The following SUPT3H variants were observed in gnomAD, a reference collection of about 807,000 sequenced individuals.
The protein encoded by SUPT3H is transcription initiation protein SPT3 homolog.
A neutral mutation model predicts 44.3 loss-of-function variants in SUPT3H; 44 were observed. The ratio of observed to expected loss-of-function variants is 0.99; its 90% CI spans 0.78 to 1.28. SUPT3H has a LOEUF of 1.28. SUPT3H is among the 50% of genes most tolerant of loss of function. The pLI, the probability that SUPT3H is intolerant of heterozygous loss-of-function variation, is 0.00. For synonymous variants in SUPT3H, 124 were observed against 125.6 expected (o/e 0.99, Z 0.09); for missense variants, 380 against 387.1 (o/e 0.98, Z 0.15).
At chr6:44,813,576 GA>G (rs5875893) in intron 11 of SUPT3H, among the ~76,000 whole-genome samples, 138 of 135,204 alleles carry the variant, frequency 1.0e-3, no homozygotes, top group African/African-American at 2.1e-3. Context: ...AAACCAAGAG[GA>G]AAAAAAAAAA....
intron 2 of SUPT3H, among the ~76,000 whole-genome samples, chr6:45,231,693 C>T (rs1768082621): frequency 6.6e-6 from 1 of 152,174 alleles, no homozygotes; most frequent in Non-Finnish European, 1.5e-5. Context: ...TTCCGAACCC[C>T]TTCATTCTCT....
At chr6:45,212,673 C>G (rs1056633226) in intron 2 of SUPT3H, among the ~76,000 whole-genome samples, 3 of 152,086 alleles carry the variant, frequency 2.0e-5, no homozygotes, top group Non-Finnish European at 4.4e-5. Context: ...CACTTGAATA[C>G]CTAAAAATAA....
intron 10 of SUPT3H, among the ~76,000 whole-genome samples, chr6:44,900,402 T>G (rs918346058): frequency 2.0e-5 from 3 of 152,228 alleles, no homozygotes; most frequent in Non-Finnish European, 2.9e-5. Flanking sequence ...GAGGGTCCTA[T>G]GCCCACGGAG....
chr6:44,900,091 A>G lies in SUPT3H; in HGVS notation c.912+32562T>C, dbSNP rs532575673. On this transcript the variant is annotated intron_variant, in intron 10 of 10. Coordinates refer to ENST00000371459, the MANE Select transcript of SUPT3H (RefSeq NM_003599.4). ...ACAGCTCCAGTCTACAGCTCCCAGC[A>G]TAAGCGACGCAGAAGACAGGTGATT... Among the ~76,000 whole-genome samples, 598 of 152,366 alleles carry G rather than the reference A, an allele frequency of 3.9e-3. 7 individuals carry two copies. The highest frequency in any genetic ancestry group is 0.014 in the African/African-American group (569 of 41,598).
At chr6:45,024,302 C>G (rs1173245214) in intron 3 of SUPT3H, among the ~76,000 whole-genome samples, 6 of 152,118 alleles carry the variant, frequency 3.9e-5, no homozygotes, top group Admixed American at 6.5e-5. Context: ...AATCTGTTCT[C>G]AATTTCACAT....
At chr6:44,907,949 TGACTATGG>T (rs1414292189) in intron 10 of SUPT3H, among the ~76,000 whole-genome samples, 1 of 152,134 alleles carries the variant, frequency 6.6e-6, no homozygotes, top group Non-Finnish European at 1.5e-5. Flanking sequence ...GATGTGGCTC[TGACTATGG>T]TAAAGTAAGG....
chr6:44,905,638 A>G (rs1364067902), intron 10 of SUPT3H, among the ~76,000 whole-genome samples: 1 of 152,094 alleles, frequency 6.6e-6, no homozygotes, highest in Non-Finnish European at 1.5e-5. Context: ...TTGAACTAGA[A>G]ATACCATTTG....
chr6:45,094,599 G>A (rs566393454), intron 3 of SUPT3H, among the ~76,000 whole-genome samples: 39 of 152,126 alleles, frequency 2.6e-4, no homozygotes, highest in African/African-American at 7.7e-4. Flanking sequence ...CATGGCAATT[G>A]GTGGGGAGAA....
chr6:44,863,838 G>C (rs1432022196), intron 10 of SUPT3H, among the ~76,000 whole-genome samples: 1 of 152,110 alleles, frequency 6.6e-6, no homozygotes, highest in Non-Finnish European at 1.5e-5. Flanking sequence ...GCAGGCAAGA[G>C]AGAGAATAAG....
At chr6:45,325,822 G>C (rs1786255344) in intron 2 of SUPT3H, among the ~76,000 whole-genome samples, 1 of 151,648 alleles carries the variant, frequency 6.6e-6, no homozygotes, top group Non-Finnish European at 1.5e-5. Flanking sequence ...TATCAAATGT[G>C]CCCCAGTTGT....
chr6:45,043,167 ACACG>A (rs1391719022), intron 3 of SUPT3H, among the ~76,000 whole-genome samples: 19 of 151,300 alleles, frequency 1.3e-4, no homozygotes, highest in East Asian at 1.2e-3. Flanking sequence ...ACACACACAC[ACACG>A]CACACACACA....
chr6:44,813,465 C>T (rs1766678143), intron 11 of SUPT3H, among the ~76,000 whole-genome samples: 1 of 151,798 alleles, frequency 6.6e-6, no homozygotes, highest in African/African-American at 2.4e-5. Context: ...GGTGAGATTA[C>T]AGGGGTGAGC....
At chr6:44,953,277 A>T in intron 9 of SUPT3H, 33 bp downstream of exon 9, 1 of 1,556,204 alleles carries the variant, frequency 6.4e-7, no homozygotes, top group Non-Finnish European at 8.9e-7. Flanking sequence ...CAAAATTCAC[A>T]AATGTTTTAA....
intron 3 of SUPT3H, among the ~76,000 whole-genome samples, chr6:45,025,501 T>A (rs1279195614): frequency 3.3e-5 from 5 of 152,224 alleles, no homozygotes; most frequent in Non-Finnish European, 7.3e-5. Context: ...TGAGTTAAGC[T>A]ATGTAAAATC....
intron 2 of SUPT3H, among the ~76,000 whole-genome samples, chr6:45,149,989 A>G (rs1053402325): frequency 5.3e-5 from 8 of 150,950 alleles, no homozygotes; most frequent in African/African-American, 7.4e-5. Context: ...TCCAGGCTAC[A>G]TATCAGGTAA....
At chr6:45,242,050 C>A (rs1770446764) in intron 2 of SUPT3H, among the ~76,000 whole-genome samples, 1 of 152,250 alleles carries the variant, frequency 6.6e-6, no homozygotes, top group African/African-American at 2.4e-5. Flanking sequence ...CCAGACAGTT[C>A]CACTTGTGGA....
At chr6:44,983,625 G>T (rs1449490018) in intron 6 of SUPT3H, among the ~76,000 whole-genome samples, 1 of 152,226 alleles carries the variant, frequency 6.6e-6, no homozygotes, top group East Asian at 1.9e-4. Flanking sequence ...AAATGAAAAT[G>T]GACTTGGGGT....
chr6:44,870,361 C>A (rs1435897421), intron 10 of SUPT3H, among the ~76,000 whole-genome samples: 2 of 152,110 alleles, frequency 1.3e-5, no homozygotes, highest in African/African-American at 2.4e-5. Context: ...CTTCGTGAGT[C>A]TGAGGCAGGA....
intron 1 of SUPT3H, chr6:45,371,748 G>GA (rs1322240314): frequency 1.3e-6 from 1 of 751,706 alleles, no homozygotes; most frequent in Non-Finnish European, 1.6e-6. Flanking sequence ...TTGTTTAAAA[G>GA]AAAATCTTAG....
Sources: allele counts gnomAD v4.1 joint callset (sites outside exome capture counted in the v4.1 genomes callset), GRCh38; gene constraint gnomAD v4.1.1; transcripts MANE v1.5; gene names NCBI Gene and HGNC (gene_info 2026-07-23, HGNC 2026-07-21).